The following MBNL2 variants were observed in gnomAD, a reference collection of about 807,000 sequenced individuals.
MBNL2 encodes muscleblind-like protein 2.
Under a neutral mutation model 41.9 loss-of-function variants are expected in MBNL2, and 17 were observed. The observed-to-expected ratio is 0.41, with a 90% CI of 0.28 to 0.61. The LOEUF is 0.61. Ranked by LOEUF, MBNL2 falls within the 20% of genes least tolerant of loss-of-function variation. MBNL2 has a pLI of 0.35. For missense variants in MBNL2, 336 were observed against 505.6 expected, an observed-to-expected ratio of 0.66 and a Z score of 3.22; for synonymous variants, 195 against 182.9, an observed-to-expected ratio of 1.07 and a Z score of -0.53.
chr13:97,199,694 G>A, the MBNL2 span, among the ~76,000 whole-genome samples: 20 of 152,212 alleles, frequency 1.3e-4, no homozygotes, highest in Non-Finnish European at 2.8e-4. Context: ...CAGCGCAGTG[G>A]CTAAAAGCTC....
chr13:97,287,364 T>C (rs763419449), intron 2 of MBNL2, among the ~76,000 whole-genome samples: 3 of 152,230 alleles, frequency 2.0e-5, no homozygotes, highest in Non-Finnish European at 2.9e-5. Flanking sequence ...GTTTTTCTCA[T>C]TAAAGTAAAT....
rs180915200 is a variant in MBNL2, at chr13:97,250,390, C to T, written c.-604-25242C>T. On this transcript the variant is annotated intron_variant, in intron 1 of 8. Coordinates refer to ENST00000679496, the MANE Select transcript of MBNL2 (RefSeq NM_001382683.1). ...TGTCAACCAACTGCCACTTTTATTTCGGGCTGTCTCTTGGTCCCTTTTCAG... is the reference window on the plus strand; with the variant it reads ...TGTCAACCAACTGCCACTTTTATTTTGGGCTGTCTCTTGGTCCCTTTTCAG... Among the ~76,000 whole-genome samples the T allele has an allele frequency of 3.1e-3, 467 of 152,266 alleles. 2 individuals are homozygous for T. Among genetic ancestry groups the T allele is most frequent in the African/African-American group, 0.01 (427 of 41,556 alleles).
At position 97,372,980 on chromosome 13, in the gene MBNL2, T is replaced by C. The variant is rs183452837; in HGVS notation, c.1048+7809T>C. On this transcript the variant is annotated intron_variant, in intron 8 of 8. Coordinates refer to ENST00000679496, the MANE Select transcript of MBNL2 (RefSeq NM_001382683.1). The stretch of plus-strand genomic sequence containing the variant: ...TTGACCCATTTTGGGGCCTGCATTT[T>C]GTTTCACAAGAAAAATCTTGGTTCA... Among the ~76,000 whole-genome samples, 15 of 152,332 alleles carry C rather than the reference T, an allele frequency of 9.8e-5. No homozygotes were observed. The East Asian group carries it at 2.9e-3, about 29-fold the overall frequency.
chr13:97,153,320 AGTGT>A, the MBNL2 span, among the ~76,000 whole-genome samples: 1 of 150,210 alleles, frequency 6.7e-6, no homozygotes, highest in Admixed American at 6.7e-5. Flanking sequence ...CGTGTGTGTG[AGTGT>A]GTGTGTGTGT....
chr13:97,231,943 G>C (rs1386019622), intron 1 of MBNL2, among the ~76,000 whole-genome samples: 5 of 152,164 alleles, frequency 3.3e-5, no homozygotes, highest in African/African-American at 1.2e-4. Context: ...TTAGGTCCAG[G>C]AGCTCTGACA....
chr13:97,234,350 C>A (rs1007304130), intron 1 of MBNL2, among the ~76,000 whole-genome samples: 1 of 152,170 alleles, frequency 6.6e-6, no homozygotes, highest in African/African-American at 2.4e-5. Context: ...TGATAGAATA[C>A]CTTTATATAT....
Position 97,334,935 on chromosome 13 carries a change from C to T in MBNL2, c.339+495C>T, listed in dbSNP as rs141338515. ...ACTTAACTCAGACATGTTAGCAGAG[C>T]GCTTTCTGCAGTGTGTTCCAGGAAG... On this transcript the variant is annotated intron_variant, in intron 3 of 8. Transcript: ENST00000679496. This position sits in a 1 kb window ranked among gnomAD's most constrained non-coding sequence, Gnocchi z 5.3. Among the ~76,000 whole-genome samples the T allele has an allele frequency of 2.0e-5, 3 of 152,308 alleles. No homozygotes were observed. Among genetic ancestry groups the T allele is most frequent in the East Asian group, 1.9e-4 (1 of 5,174 alleles).
At chr13:97,322,105 G>A (rs1011668764) in intron 2 of MBNL2, among the ~76,000 whole-genome samples, 2 of 152,188 alleles carry the variant, frequency 1.3e-5, no homozygotes. Context: ...GCATAGAGCA[G>A]ATGCTCCAAA....
chr13:97,322,043 G>A (rs906494229), intron 2 of MBNL2, among the ~76,000 whole-genome samples: 1 of 152,060 alleles, frequency 6.6e-6, no homozygotes, highest in Admixed American at 6.6e-5. Context: ...TATTTTTATC[G>A]AGGGCAGGGC....
the MBNL2 span, among the ~76,000 whole-genome samples, chr13:97,145,602 G>A: frequency 3.3e-5 from 5 of 152,158 alleles, no homozygotes; most frequent in Non-Finnish European, 7.3e-5. Flanking sequence ...TTGGCAGCAC[G>A]TATTCTGTTA....
intron 1 of MBNL2, among the ~76,000 whole-genome samples, chr13:97,229,034 T>C (rs1363884791): frequency 6.6e-6 from 1 of 151,382 alleles, no homozygotes; most frequent in Non-Finnish European, 1.5e-5. Flanking sequence ...TTTCTTTTAA[T>C]GGATGTTGCG....
the MBNL2 span, among the ~76,000 whole-genome samples, chr13:97,168,383 C>T: frequency 2.6e-5 from 4 of 152,126 alleles, no homozygotes; most frequent in Non-Finnish European, 5.9e-5. Flanking sequence ...CTCTCCAAAA[C>T]TGTCAATAAA....
intron 8 of MBNL2, among the ~76,000 whole-genome samples, chr13:97,380,231 T>C (rs943522426): frequency 2.0e-5 from 3 of 149,772 alleles, no homozygotes; most frequent in Admixed American, 2.0e-4. Context: ...CAGTGGCTCA[T>C]GCCTATAATT....
At position 97,252,362 on chromosome 13, in the gene MBNL2, T is replaced by C. The variant is rs539140248; in HGVS notation, c.-604-23270T>C. ...CCTCATCTGCTGTTGCTTCCAGAGA[T>C]ATGCCACAATCATTTTTCAGGTTCT... On this transcript the variant is annotated intron_variant, in intron 1 of 8. Coordinates refer to ENST00000679496, the MANE Select transcript of MBNL2 (RefSeq NM_001382683.1). Among the ~76,000 whole-genome samples, 6 of 152,252 alleles carry C rather than the reference T, an allele frequency of 3.9e-5. No individual in the cohort carries two copies. The South Asian group carries it at 1.2e-3, about 32-fold the overall frequency.
At chr13:97,272,406 G>A (rs1437124202) in intron 1 of MBNL2, among the ~76,000 whole-genome samples, 5 of 152,110 alleles carry the variant, frequency 3.3e-5, no homozygotes, top group East Asian at 1.9e-4. Context: ...TAGGTTGCCC[G>A]TTCACTCTAA....
At chr13:97,173,888 G>T in the MBNL2 span, among the ~76,000 whole-genome samples, 1 of 152,106 alleles carries the variant, frequency 6.6e-6, no homozygotes. Flanking sequence ...TTAAGTTCCG[G>T]GTTGATGTTA....
At chr13:97,269,804 C>T (rs2050559781) in intron 1 of MBNL2, among the ~76,000 whole-genome samples, 1 of 152,106 alleles carries the variant, frequency 6.6e-6, no homozygotes, top group African/African-American at 2.4e-5. Context: ...CCATTGATCT[C>T]TAGGCACCTC....
chr13:97,273,202 C>T (rs1009237424), intron 1 of MBNL2, among the ~76,000 whole-genome samples: 4 of 152,124 alleles, frequency 2.6e-5, no homozygotes, highest in South Asian at 2.1e-4. Flanking sequence ...GGGGACTCTA[C>T]GTAATATTTT....
At chr13:97,215,071 C>T in the MBNL2 span, among the ~76,000 whole-genome samples, 2 of 152,254 alleles carry the variant, frequency 1.3e-5, no homozygotes, top group East Asian at 3.8e-4. Flanking sequence ...CCATAGGCTT[C>T]GCCCCCATCT....
Sources: gnomAD v4.1 joint callset for allele counts (sites outside exome capture counted in the v4.1 genomes callset) on GRCh38, gnomAD v4.1.1 for gene constraint, Gnocchi (gnomAD v3.1) non-coding constraint, MANE v1.5 for transcripts, NCBI Gene and HGNC (gene_info 2026-07-23, HGNC 2026-07-21) for gene names.